KNTC1: variants seen among roughly 807,000 people sequenced by gnomAD.
KNTC1 encodes the protein kinetochore associated 1, also known as kinetochore-associated protein 1.
A neutral mutation model predicts 314.4 loss-of-function variants in KNTC1; 253 were observed. The ratio of observed to expected loss-of-function variants is 0.80; its 90% confidence interval spans 0.73 to 0.89. The LOEUF is 0.89. Among genes scored for constraint, KNTC1 ranks in the 40% least tolerant of loss-of-function variants. The pLI is 0.00. For missense variants in KNTC1, 2,475 were observed against 2,572.9 expected (o/e 0.96, Z 0.82); for synonymous variants, 901 against 901.4 (o/e 1.00, Z 0.01).
chr12:122,602,691 T>C lies in KNTC1; in HGVS notation c.4776T>C (p.Pro1592=), dbSNP rs1566007556. 6.2e-7 allele frequency: 1 copy of C among 1,613,886 alleles called. No homozygotes were observed. Residue 1592 remains proline, a synonymous_variant, in exon 46 of 64, where the codon CCT becomes CCC. Coordinates refer to ENST00000333479, the MANE Select transcript of KNTC1 (RefSeq NM_014708.6). ...CATCAGCTGCCCAAACTAGACTGCCTTTTCACCTGATATTCTTTGGCACAG... is the reference window on the plus strand; with the variant it reads ...CATCAGCTGCCCAAACTAGACTGCCCTTTCACCTGATATTCTTTGGCACAG... The part of the protein sequence containing the change: ...TLPSAAQTRL[P]FHLIFFGTAQ...
intron 53 of KNTC1, 140 bp from the exon 54 acceptor site, chr12:122,612,972 C>T (rs75179611): frequency 1.6e-6 from 1 of 629,216 alleles, no homozygotes; most frequent in East Asian, 2.7e-5. Flanking sequence ...ACCACTGTTA[C>T]ACACAGTGCG....
chr12:122,609,478 G>T, intron 52 of KNTC1, 48 bp downstream of exon 52: 2 of 1,225,038 alleles, frequency 1.6e-6, no homozygotes, highest in Non-Finnish European at 1.1e-6. Context: ...ATGCAAAATA[G>T]AAATCTTACC....
At chr12:122,582,143 A>G (rs149053159) in intron 33 of KNTC1, among the ~76,000 whole-genome samples, 314 of 152,300 alleles carry the variant, frequency 2.1e-3, no homozygotes, top group African/African-American at 7.4e-3. Context: ...GAGGCCGGGT[A>G]CAGTGGTTCA....
chr12:122,541,334 TCTG>T (rs758066398), intron 5 of KNTC1, among the ~76,000 whole-genome samples: 5 of 147,394 alleles, frequency 3.4e-5, no homozygotes, highest in African/African-American at 7.6e-5. Flanking sequence ...CCGTCCTTCC[TCTG>T]TCTCTCCCTC....
rs777521316 is a variant in KNTC1, at chr12:122,585,818, AT to A, written c.3673+45del. ...ATTATTTTCTATGTGTTTCTGTCTT[AT>A]GTAAATTTAAACTGTAGAGGTTTGG... On this transcript the variant is annotated intron_variant, in intron 37 of 63. Coordinates refer to ENST00000333479, the MANE Select transcript of KNTC1 (RefSeq NM_014708.6). 6.5e-5 allele frequency: 103 copies of A among 1,593,490 alleles called. No homozygotes were observed. In the East Asian group the frequency reaches 2.3e-3, roughly 36 times the overall value.
At chr12:122,610,516 A>C (rs1369447952) in intron 52 of KNTC1, among the ~76,000 whole-genome samples, 1 of 152,224 alleles carries the variant, frequency 6.6e-6, no homozygotes, top group Non-Finnish European at 1.5e-5. Flanking sequence ...AAGGGACTTT[A>C]CAGCTACAGT....
chr12:122,570,497 A>C (rs1477975495), intron 22 of KNTC1, among the ~76,000 whole-genome samples: 3 of 151,262 alleles, frequency 2.0e-5, no homozygotes, highest in Admixed American at 6.6e-5. Flanking sequence ...ATGGGTGATG[A>C]GCGAAACCCT....
intron 42 of KNTC1, chr12:122,593,981 A>G: frequency 3.0e-6 from 1 of 333,072 alleles, no homozygotes; most frequent in Non-Finnish European, 5.5e-6. Context: ...GAAATGCTAT[A>G]TGTTTTGAAG....
At chr12:122,551,952 G>A (rs933656725) in intron 16 of KNTC1, among the ~76,000 whole-genome samples, 1 of 151,818 alleles carries the variant, frequency 6.6e-6, no homozygotes, top group African/African-American at 2.4e-5. Flanking sequence ...CTGTTGCCCA[G>A]GCTAGAGTGC....
intron 40 of KNTC1, among the ~76,000 whole-genome samples, chr12:122,590,201 T>G (rs1869985475): frequency 6.6e-6 from 1 of 152,120 alleles, no homozygotes; most frequent in South Asian, 2.1e-4. Context: ...TTCTCTATTT[T>G]TCTATTTATA....
chr12:122,531,704 A>G (rs1961341763), intron 2 of KNTC1, among the ~76,000 whole-genome samples: 1 of 152,088 alleles, frequency 6.6e-6, no homozygotes, highest in African/African-American at 2.4e-5. Flanking sequence ...CACAGTTTCT[A>G]TAATGAGGAA....
At chr12:122,601,869 C>G in intron 45 of KNTC1, 1 of 307,052 alleles carries the variant, frequency 3.3e-6, no homozygotes. Flanking sequence ...AATAACCTCT[C>G]CTGCTGTCGA....
chr12:122,529,934 T>G (rs1050419772), intron 1 of KNTC1, 57 bp from the exon 2 acceptor site: 1 of 989,500 alleles, frequency 1.0e-6, no homozygotes, highest in East Asian at 2.8e-5. Context: ...AGACTTTTGT[T>G]TTTGTTTTGT....
rs145280230 is a variant in KNTC1, at chr12:122,595,803, T to G, written c.4355+1418T>G. On this transcript the variant is annotated intron_variant, in intron 43 of 63. Coordinates refer to ENST00000333479, the MANE Select transcript of KNTC1 (RefSeq NM_014708.6). The stretch of plus-strand genomic sequence containing the variant: ...TATGGTGCAGGACACTTTTTTGAAA[T>G]TTAAATAGCTATAATGTCAAGTTCA... Among the ~76,000 whole-genome samples the G allele has an allele frequency of 8.6e-3, 1,305 of 152,350 alleles. 17 individuals are homozygous for G. Among genetic ancestry groups the G allele is most frequent in the African/African-American group, 0.03 (1,262 of 41,580 alleles).
At chr12:122,547,648 G>C (rs2137752041) in intron 11 of KNTC1, 118 bp downstream of exon 11, 1 of 735,234 alleles carries the variant, frequency 1.4e-6, no homozygotes, top group East Asian at 2.7e-5. Context: ...GAAACAGTCT[G>C]ACAGAGTAAA....
intron 57 of KNTC1, among the ~76,000 whole-genome samples, chr12:122,616,004 G>T (rs913161908): frequency 1.3e-5 from 2 of 151,996 alleles, no homozygotes; most frequent in African/African-American, 4.8e-5. Context: ...TTATATGTTG[G>T]ACTGCCCCTC....
chr12:122,529,529 G>A (rs1355618330), intron 1 of KNTC1, among the ~76,000 whole-genome samples: 1 of 151,898 alleles, frequency 6.6e-6, no homozygotes, highest in East Asian at 1.9e-4. Context: ...TTTATTTGTT[G>A]TATAATAATA....
intron 29 of KNTC1, 26 bp downstream of exon 29, chr12:122,575,925 T>G: frequency 6.4e-7 from 1 of 1,570,474 alleles, no homozygotes; most frequent in Non-Finnish European, 8.6e-7. Context: ...GAAGAGTCTT[T>G]TTTCTCTTTC....
intron 32 of KNTC1, 30 bp downstream of exon 32, chr12:122,580,007 G>C (rs750525150): frequency 3.4e-6 from 5 of 1,471,830 alleles, no homozygotes; most frequent in Non-Finnish European, 4.7e-6. Context: ...TCTCATCTCA[G>C]TTTTGTTCCA....
Sources: allele counts gnomAD v4.1 joint callset (sites outside exome capture counted in the v4.1 genomes callset), GRCh38; gene constraint gnomAD v4.1.1; transcripts MANE v1.5; gene names NCBI Gene and HGNC (gene_info 2026-07-23, HGNC 2026-07-21).